Variants in IGF1R observed in about 807,000 individuals in gnomAD.
IGF1R encodes the protein insulin like growth factor 1 receptor.
A neutral mutation model predicts 144.6 loss-of-function variants in IGF1R; 44 were observed. The ratio of observed to expected loss-of-function variants is 0.30; its 90% confidence interval spans 0.24 to 0.39. The LOEUF (loss-of-function observed/expected upper bound fraction) is 0.39, where lower values mean the gene tolerates loss of function less well. Ranked by LOEUF, IGF1R falls within the 10% of genes least tolerant of loss-of-function variation. IGF1R has a pLI of 1.00. For missense variants in IGF1R, 1,355 were observed against 1,833.7 expected, an observed-to-expected ratio of 0.74 and a Z score of 4.77; for synonymous variants, 795 against 722.8, an observed-to-expected ratio of 1.10 and a Z score of -1.60.
At chr15:98,713,270 G>T (rs925779363) in intron 2 of IGF1R, among the ~76,000 whole-genome samples, 1 of 152,122 alleles carries the variant, frequency 6.6e-6, no homozygotes, top group Non-Finnish European at 1.5e-5. Flanking sequence ...GTCACCCCAA[G>T]GGCAAGCACT....
intron 2 of IGF1R, among the ~76,000 whole-genome samples, chr15:98,787,008 T>A (rs1277407748): frequency 6.6e-6 from 1 of 152,214 alleles, no homozygotes; most frequent in Admixed American, 6.5e-5. Flanking sequence ...GACGACATTC[T>A]GTGAGCCAGC....
intron 2 of IGF1R, among the ~76,000 whole-genome samples, chr15:98,777,527 T>C (rs1368609613): frequency 6.6e-6 from 1 of 152,170 alleles, no homozygotes; most frequent in Non-Finnish European, 1.5e-5. Flanking sequence ...AAGCAAGGAA[T>C]GATGACCGAA....
chr15:98,831,534 C>T (rs556910146), intron 2 of IGF1R, among the ~76,000 whole-genome samples: 50 of 152,236 alleles, frequency 3.3e-4, no homozygotes, highest in African/African-American at 1.2e-3. Flanking sequence ...CCTTCCTTCC[C>T]CATGATCATA....
At chr15:98,954,494 G>A (rs1463959665) in intron 20 of IGF1R, 2 of 152,306 alleles carry the variant, frequency 1.3e-5, no homozygotes, top group Admixed American at 6.5e-5. Context: ...TGTGGAAATA[G>A]TAAACAAGGT....
At position 98,930,161 on chromosome 15, in the gene IGF1R, T is replaced by C. The variant is rs2015883291; in HGVS notation, c.2886-74T>C. The C allele has an allele frequency of 3.0e-6, 3 of 985,290 alleles. No individual in the cohort carries two copies. In the African/African-American group the frequency reaches 4.8e-5, roughly 16 times the overall value. The allele number at this position is 985,290 out of a possible 1,614,324, so 61.0% of individuals were successfully genotyped here. A position where few individuals can be genotyped will look rare whatever the true frequency, so the allele number is the denominator to read the frequency against. On this transcript the variant is annotated intron_variant, in intron 14 of 20. Transcript: ENST00000650285. The stretch of plus-strand genomic sequence containing the variant: ...TGAGAGAGGATAAATGAAACTGTTG[T>C]AGCGAAGATGAAAGTATATACAGGA...
chr15:98,816,836 C>T (rs1328153130), intron 2 of IGF1R, among the ~76,000 whole-genome samples: 4 of 152,174 alleles, frequency 2.6e-5, no homozygotes, highest in African/African-American at 9.7e-5. Context: ...GGGCAAGGCA[C>T]ATTCTCATAA....
chr15:98,774,697 G>C (rs536316107), intron 2 of IGF1R, among the ~76,000 whole-genome samples: 14 of 147,528 alleles, frequency 9.5e-5, no homozygotes, highest in Admixed American at 6.8e-4. Flanking sequence ...GTGGGGGGGT[G>C]GGGGGTGGTT....
At chr15:98,700,476 G>A (rs2053701838) in intron 1 of IGF1R, among the ~76,000 whole-genome samples, 1 of 152,238 alleles carries the variant, frequency 6.6e-6, no homozygotes, top group East Asian at 1.9e-4. Context: ...TGGTGCTTAG[G>A]CCAGCAGCAT....
At chr15:98,829,460 A>G (rs2056962291) in intron 2 of IGF1R, among the ~76,000 whole-genome samples, 2 of 152,194 alleles carry the variant, frequency 1.3e-5, no homozygotes, top group Non-Finnish European at 2.9e-5. Context: ...TTCAGATGAC[A>G]AACAAGGAGT....
intron 2 of IGF1R, among the ~76,000 whole-genome samples, chr15:98,881,873 G>A (rs950969368): frequency 6.6e-6 from 1 of 152,140 alleles, no homozygotes; most frequent in Non-Finnish European, 1.5e-5. Context: ...GTGTTGTAAG[G>A]CGCATGGAAT....
chr15:98,689,452 T>TC (rs34603905), intron 1 of IGF1R, among the ~76,000 whole-genome samples: 139,965 of 151,626 alleles, frequency 0.92, 64,804 homozygotes, highest in Middle Eastern at 0.97. Flanking sequence ...TTATTCAAAT[T>TC]CTGACCTCAA....
At chr15:98,650,310 C>T (rs889980021) in intron 1 of IGF1R, among the ~76,000 whole-genome samples, 4 of 152,230 alleles carry the variant, frequency 2.6e-5, no homozygotes, top group Non-Finnish European at 5.9e-5. Flanking sequence ...GGTTCCTGGC[C>T]TTGCCCGTCA....
intron 2 of IGF1R, among the ~76,000 whole-genome samples, chr15:98,712,319 C>T (rs2054011618): frequency 6.6e-6 from 1 of 152,210 alleles, no homozygotes; most frequent in Non-Finnish European, 1.5e-5. Flanking sequence ...GAGCATTTCA[C>T]TACAGCCTCT....
At chr15:98,768,365 C>T (rs2055488956) in intron 2 of IGF1R, among the ~76,000 whole-genome samples, 1 of 152,112 alleles carries the variant, frequency 6.6e-6, no homozygotes. Flanking sequence ...GCCTATAATC[C>T]CAGTACTTTG....
At chr15:98,651,139 G>A in intron 1 of IGF1R, 1 of 865,376 alleles carries the variant, frequency 1.2e-6, no homozygotes, top group Non-Finnish European at 1.4e-6. Flanking sequence ...AAAAAATCAC[G>A]ACTGAGCCTT....
Position 98,916,090 on chromosome 15 carries a change from C to G in IGF1R, c.1955C>G (p.Pro652Arg). The G allele has an allele frequency of 1.2e-6, 2 of 1,614,180 alleles. No individual in the cohort carries two copies. Among genetic ancestry groups the G allele is most frequent in the Non-Finnish European group, 1.7e-6 (2 of 1,180,032 alleles). The change falls in exon 9 of 21, where the codon CCT (proline) becomes CGT (arginine). Residue 652 changes from proline to arginine, a missense_variant. Transcript: ENST00000650285. Reference sequence around the variant, plus strand: ...TACATTGTGCGCTGGCAGCGGCAGCCTCAGGACGGCTACCTTTACCGGCAC... The same window carrying G: ...TACATTGTGCGCTGGCAGCGGCAGCGTCAGGACGGCTACCTTTACCGGCAC... Reference protein sequence around the residue: ...SYYIVRWQRQPQDGYLYRHNY... With the variant: ...SYYIVRWQRQRQDGYLYRHNY...
chr15:98,902,415 CT>C (rs11434197), intron 5 of IGF1R, among the ~76,000 whole-genome samples: 3,258 of 119,790 alleles, frequency 0.027, 68 homozygotes, highest in African/African-American at 0.089. Flanking sequence ...TTTTCTTGAA[CT>C]TTTTTTTTTT....
chr15:98,837,537 A>G (rs2011108820), intron 2 of IGF1R, among the ~76,000 whole-genome samples: 1 of 151,706 alleles, frequency 6.6e-6, no homozygotes, highest in South Asian at 2.1e-4. Context: ...GCCTTCACCA[A>G]TTTTTAAATT....
At chr15:98,680,055 AGTT>A (rs1008436812) in intron 1 of IGF1R, among the ~76,000 whole-genome samples, 10 of 152,170 alleles carry the variant, frequency 6.6e-5, no homozygotes, top group African/African-American at 1.9e-4. Context: ...AAGTAAAAAA[AGTT>A]GTGCTTAAGC....
Sources: gnomAD v4.1 joint callset for allele counts (sites outside exome capture counted in the v4.1 genomes callset) on GRCh38, gnomAD v4.1.1 for gene constraint, MANE v1.5 for transcripts, NCBI Gene and HGNC (gene_info 2026-07-23, HGNC 2026-07-21) for gene names.